The following RABL2B variants were observed in gnomAD, a reference collection of about 807,000 sequenced individuals.
RABL2B encodes rab-like protein 2B.
In RABL2B, 17 loss-of-function variants were observed where a neutral mutation model predicts 26.7. The observed-to-expected ratio is 0.64, with a 90% CI of 0.44 to 0.95. RABL2B has a LOEUF of 0.95. Ranked by LOEUF, RABL2B falls within the 40% of genes least tolerant of loss-of-function variation. The pLI is 0.00. For synonymous variants in RABL2B, 70 were observed against 103.9 expected (o/e 0.67, Z 1.99); for missense variants, 170 against 277.2 (o/e 0.61, Z 2.75).
At chr22:50,780,759 A>T in intron 2 of RABL2B, 1 of 470,718 alleles carries the variant, frequency 2.1e-6, no homozygotes, top group South Asian at 1.5e-5. Flanking sequence ...ACGTCAAGTT[A>T]ACTACTTGGA....
At chr22:50,775,303 G>C (rs1371710108) in intron 5 of RABL2B, among the ~76,000 whole-genome samples, 1 of 152,050 alleles carries the variant, frequency 6.6e-6, no homozygotes, top group African/African-American at 2.4e-5. Flanking sequence ...TGAGGACTGC[G>C]TCCTGGGCAA....
At position 50,783,587 on chromosome 22, in the gene RABL2B, C is replaced by G. The variant is rs1211197761; in HGVS notation, c.-140G>C. 1 of 152,854 alleles carries G rather than the reference C, an allele frequency of 6.5e-6. No homozygotes were observed. Among genetic ancestry groups the G allele is most frequent in the Non-Finnish European group, 1.5e-5 (1 of 68,530 alleles). 9.5% of individuals were successfully genotyped at this position (152,854 alleles called of 1,614,324 possible). A position where few individuals can be genotyped will look rare whatever the true frequency, so the allele number is the denominator to read the frequency against. ...GCCGCCAGTCTGGACTCTGCGCGCT[C>G]TCGAACCACGCCCGCCGGCCCAGCT... On this transcript the variant is annotated 5_prime_UTR_variant, in exon 1 of 9. Transcript: ENST00000691320.
chr22:50,772,483 G>A, intron 5 of RABL2B: 2 of 989,414 alleles, frequency 2.0e-6, no homozygotes, highest in South Asian at 4.6e-5. Context: ...AACTGCCCTA[G>A]TACAACAGTC....
intron 1 of RABL2B, 142 bp from the exon 2 acceptor site, chr22:50,782,489 G>A (rs2086050591): frequency 2.2e-6 from 3 of 1,384,696 alleles, no homozygotes; most frequent in South Asian, 1.3e-5. Context: ...TGGAGTAGCA[G>A]AGTATGACAC....
At chr22:50,776,560 G>A in intron 4 of RABL2B, 110 bp downstream of exon 4, 1 of 1,443,372 alleles carries the variant, frequency 6.9e-7, no homozygotes, top group Non-Finnish European at 9.4e-7. Context: ...CCTGCCTGGG[G>A]TCTCATTTTC....
intron 2 of RABL2B, among the ~76,000 whole-genome samples, chr22:50,780,157 CAGGGGGT>C (rs1555927464): frequency 6.6e-6 from 1 of 151,186 alleles, no homozygotes; most frequent in African/African-American, 2.4e-5. Flanking sequence ...CACCTGTTCA[CAGGGGGT>C]AGGGGAGCTG....
At chr22:50,772,427 G>A (rs2084323926) in intron 5 of RABL2B, 5 of 985,750 alleles carry the variant, frequency 5.1e-6, no homozygotes, top group Non-Finnish European at 6.0e-6. Flanking sequence ...CTGCTACAGT[G>A]AGCCTTCATG....
intron 2 of RABL2B, among the ~76,000 whole-genome samples, chr22:50,781,626 T>C (rs1333071652): frequency 2.0e-5 from 3 of 152,140 alleles, no homozygotes; most frequent in Non-Finnish European, 4.4e-5. Context: ...AATGGACATG[T>C]GCCCTCAGCA....
Position 50,777,984 on chromosome 22 carries a change from G to A in RABL2B, c.108-3C>T. On this transcript the variant is annotated splice_region_variant and splice_polypyrimidine_tract_variant and intron_variant, in intron 2 of 8. Coordinates refer to ENST00000691320, the MANE Select transcript of RABL2B (RefSeq NM_001130919.3). ...CCATGAGAAATCTCTCCATGAGTCT[G>A]TAAGCAGAACAGGCAAGGTGGTCAG... is the stretch of plus-strand genomic sequence containing the variant. 6.8e-6 allele frequency: 11 copies of A among 1,614,074 alleles called. No individual in the cohort carries two copies. Among genetic ancestry groups the A allele is most frequent in the Non-Finnish European group, 8.5e-6 (10 of 1,180,016 alleles).
At chr22:50,775,525 T>C (rs1178288751) in intron 5 of RABL2B, among the ~76,000 whole-genome samples, 2 of 152,128 alleles carry the variant, frequency 1.3e-5, no homozygotes, top group Non-Finnish European at 2.9e-5. Context: ...ATGCTACACC[T>C]GATGTTGAAG....
chr22:50,770,391 C>G lies in RABL2B; in HGVS notation c.298-375G>C, dbSNP rs1603449048. 3 of 293,622 alleles carry G rather than the reference C, an allele frequency of 1.0e-5. No homozygotes were observed. The East Asian group carries it at 2.7e-4, about 27-fold the overall frequency. The allele number at this position is 293,622 out of a possible 1,614,324, so 18.2% of individuals were successfully genotyped here. Reference sequence around the variant, plus strand: ...AATTAGCTGGGCCTGGTGGCGCATGCCTGTAATCTCAGCTACTTGGGAGGC... The same window carrying G: ...AATTAGCTGGGCCTGGTGGCGCATGGCTGTAATCTCAGCTACTTGGGAGGC... On this transcript the variant is annotated intron_variant, in intron 5 of 8. Coordinates refer to ENST00000691320, the MANE Select transcript of RABL2B (RefSeq NM_001130919.3).
rs531636782 is a variant in RABL2B at position 50,774,870 on chromosome 22, T to C, written c.297+902A>G. ...TCGGCTCACTGCAACCTCTGCCTCC[T>C]GGGTTCAAATGATTCTCCTGCCTCA... On this transcript the variant is annotated intron_variant, in intron 5 of 8. Coordinates refer to ENST00000691320, the MANE Select transcript of RABL2B (RefSeq NM_001130919.3). Among the ~76,000 whole-genome samples the C allele has an allele frequency of 8.6e-5, 13 of 150,804 alleles. No individual in the cohort carries two copies. The East Asian group carries it at 2.6e-3, about 30-fold the overall frequency.
At position 50,783,607 on chromosome 22, in the gene RABL2B, C is replaced by G. The variant is rs1190997886; in HGVS notation, c.-160G>C. On this transcript the variant is annotated 5_prime_UTR_variant, in exon 1 of 9. Coordinates refer to ENST00000691320, the MANE Select transcript of RABL2B (RefSeq NM_001130919.3). ...GCGCTCTCGAACCACGCCCGCCGGC[C>G]CAGCTCGCGCCGCAGCGCACTCCAC... 1 of 152,998 alleles carries G rather than the reference C, an allele frequency of 6.5e-6. No individual in the cohort carries two copies. The highest frequency in any genetic ancestry group is 1.5e-5 in the Non-Finnish European group (1 of 68,662). The allele number at this position is 152,998 out of a possible 1,614,324, so 9.5% of individuals were successfully genotyped here.
At chr22:50,781,590 G>A (rs1321467501) in intron 2 of RABL2B, among the ~76,000 whole-genome samples, 1 of 152,146 alleles carries the variant, frequency 6.6e-6, no homozygotes, top group African/African-American at 2.4e-5. Flanking sequence ...GCAGGGGCAA[G>A]TGTACCGTCA....
At chr22:50,778,765 A>G (rs1371019641) in intron 2 of RABL2B, among the ~76,000 whole-genome samples, 1 of 144,850 alleles carries the variant, frequency 6.9e-6, no homozygotes, top group Admixed American at 6.9e-5. Context: ...TTACCTTTAC[A>G]ACTAGGCCTT....
At chr22:50,781,095 C>G (rs1477222605) in intron 2 of RABL2B, among the ~76,000 whole-genome samples, 1 of 152,104 alleles carries the variant, frequency 6.6e-6, no homozygotes, top group Admixed American at 6.5e-5. Context: ...AATCCCAGCA[C>G]TTTCGGAGGC....
At chr22:50,772,326 G>A in intron 5 of RABL2B, 2 of 985,348 alleles carry the variant, frequency 2.0e-6, no homozygotes, top group Non-Finnish European at 1.2e-6. Flanking sequence ...ACCGCGCCCA[G>A]CCTGTTTCTA....
chr22:50,781,275 C>T (rs1368005576), intron 2 of RABL2B, among the ~76,000 whole-genome samples: 5 of 146,132 alleles, frequency 3.4e-5, no homozygotes, highest in African/African-American at 7.6e-5. Flanking sequence ...ACCCGGGAGG[C>T]GGAGCTTGCA....
chr22:50,775,378 A>G lies in RABL2B; in HGVS notation c.297+394T>C, dbSNP rs2084819628. Among the ~76,000 whole-genome samples, 3 of 152,086 alleles carry G rather than the reference A, an allele frequency of 2.0e-5. No homozygotes were observed. The South Asian group carries it at 6.2e-4, about 32-fold the overall frequency. On this transcript the variant is annotated intron_variant, in intron 5 of 8. Transcript: ENST00000691320. ...AGAGAGAAGGTTCTCTGGGACCCGC[A>G]GCATCTACTCAGTCCCAGCGTGCGC...
Sources: gnomAD v4.1 joint callset for allele counts (sites outside exome capture counted in the v4.1 genomes callset) on GRCh38, gnomAD v4.1.1 for gene constraint, MANE v1.5 for transcripts, NCBI Gene and HGNC (gene_info 2026-07-23, HGNC 2026-07-21) for gene names.